Variants in TLN2 observed in about 807,000 individuals in gnomAD.
TLN2 encodes the protein talin 2.
Under a neutral mutation model 294.7 loss-of-function variants are expected in TLN2, and 118 were observed. That is an observed-to-expected ratio of 0.40 (90% CI 0.34 to 0.47). The LOEUF (loss-of-function observed/expected upper bound fraction) is 0.47, where lower values mean the gene tolerates loss of function less well. Among genes scored for constraint, TLN2 ranks in the 20% least tolerant of loss-of-function variants. TLN2 has a pLI of 0.84. For synonymous variants in TLN2, 1,431 were observed against 1,304.5 expected (o/e 1.10, Z -2.09); for missense variants, 3,083 against 3,282.2 (o/e 0.94, Z 1.48).
Position 62,451,432 on chromosome 15 carries a change from G to T in TLN2, c.-238+60747G>T, listed in dbSNP as rs566960076. Among the ~76,000 whole-genome samples, 430 of 152,302 alleles carry T rather than the reference G, an allele frequency of 2.8e-3. 2 individuals carry two copies. The highest frequency in any genetic ancestry group is 1.0e-2 in the African/African-American group (415 of 41,556). On this transcript the variant is annotated intron_variant, in intron 1 of 58. Coordinates refer to ENST00000636159, the MANE Select transcript of TLN2 (RefSeq NM_015059.3). Reference sequence around the variant, plus strand: ...AGCACTTTGGGAGGCCGAGGCGGGTGAATCACAAGGTCAGGAGATCTAGAC... The same window carrying T: ...AGCACTTTGGGAGGCCGAGGCGGGTTAATCACAAGGTCAGGAGATCTAGAC...
chr15:62,617,103 C>A (rs765672501), intron 2 of TLN2, among the ~76,000 whole-genome samples: 3 of 152,074 alleles, frequency 2.0e-5, no homozygotes, highest in African/African-American at 4.8e-5. Context: ...TCATGGAGCT[C>A]GGATTGTTTG....
intron 14 of TLN2, among the ~76,000 whole-genome samples, chr15:62,694,617 G>A (rs1472714438): frequency 1.3e-5 from 2 of 152,188 alleles, no homozygotes; most frequent in Non-Finnish European, 2.9e-5. Context: ...CCAAGGTGTG[G>A]CATTTTAACT....
At chr15:62,764,795 C>T (rs1006973747) in intron 40 of TLN2, among the ~76,000 whole-genome samples, 1 of 151,808 alleles carries the variant, frequency 6.6e-6, no homozygotes, top group Non-Finnish European at 1.5e-5. Context: ...GGTGAAATCC[C>T]ATCTCTACCA....
chr15:62,638,439 G>A (rs1176777242), intron 3 of TLN2: 29 of 431,656 alleles, frequency 6.7e-5, no homozygotes, highest in South Asian at 4.0e-4. Flanking sequence ...AATTCCAGGT[G>A]CCAGTGCCAA....
chr15:62,565,435 C>CA (rs144252705), intron 1 of TLN2, among the ~76,000 whole-genome samples: 12,276 of 152,098 alleles, frequency 0.081, 587 homozygotes, highest in Non-Finnish European at 0.11. Context: ...CATCATTGCC[C>CA]AATAGAGGGA....
intron 2 of TLN2, among the ~76,000 whole-genome samples, chr15:62,612,648 CTTG>C (rs1281519017): frequency 3.3e-5 from 5 of 151,990 alleles, no homozygotes; most frequent in Non-Finnish European, 5.9e-5. Flanking sequence ...GATTTTTTTT[CTTG>C]TTGTCACCAG....
chr15:62,825,841 A>ATAT (rs1555522066), intron 54 of TLN2, among the ~76,000 whole-genome samples: 13 of 89,644 alleles, frequency 1.5e-4, no homozygotes, highest in African/African-American at 6.6e-4. Flanking sequence ...TATATAATAT[A>ATAT]TATAAATATA....
At chr15:62,519,803 TATTTCTA>T (rs2040368314) in intron 1 of TLN2, among the ~76,000 whole-genome samples, 3 of 152,254 alleles carry the variant, frequency 2.0e-5, no homozygotes, top group African/African-American at 7.2e-5. Context: ...ATTGAAGTTG[TATTTCTA>T]GGAAAATATT....
intron 52 of TLN2, among the ~76,000 whole-genome samples, chr15:62,815,098 A>T (rs1163674779): frequency 6.6e-6 from 1 of 152,142 alleles, no homozygotes; most frequent in African/African-American, 2.4e-5. Context: ...AGAAAAGAAT[A>T]TCTACTAAAA....
At chr15:62,758,697 G>A (rs2062464838) in intron 37 of TLN2, 1 of 152,188 alleles carries the variant, frequency 6.6e-6, no homozygotes, top group Non-Finnish European at 1.5e-5. Flanking sequence ...TGTTTGGATT[G>A]GGAAAGTGGT....
At chr15:62,393,343 G>A (rs1332153629) in intron 1 of TLN2, among the ~76,000 whole-genome samples, 2 of 152,156 alleles carry the variant, frequency 1.3e-5, no homozygotes, top group East Asian at 3.9e-4. Flanking sequence ...GGGATATTCT[G>A]TACAGGCATA....
At chr15:62,744,397 AT>A (rs2061498878) in intron 32 of TLN2, among the ~76,000 whole-genome samples, 2 of 112,690 alleles carry the variant, frequency 1.8e-5, no homozygotes, top group East Asian at 5.2e-4. Flanking sequence ...TATTTTTGTT[AT>A]TTTTAATTTT....
At chr15:62,458,130 G>T (rs2036585047) in intron 1 of TLN2, among the ~76,000 whole-genome samples, 1 of 152,092 alleles carries the variant, frequency 6.6e-6, no homozygotes, top group African/African-American at 2.4e-5. Context: ...CTTTATTGCT[G>T]GTGGCTCTCA....
chr15:62,733,408 A>G (rs2140948221), intron 28 of TLN2, among the ~76,000 whole-genome samples: 1 of 152,282 alleles, frequency 6.6e-6, no homozygotes, highest in Middle Eastern at 3.4e-3. Flanking sequence ...CCTTGTCCAT[A>G]ATTGAGGTGT....
intron 2 of TLN2, among the ~76,000 whole-genome samples, chr15:62,593,834 A>G (rs1342525903): frequency 6.6e-6 from 1 of 152,242 alleles, no homozygotes; most frequent in Admixed American, 6.5e-5. Context: ...AAACACATGT[A>G]AGGCCAGCTG....
At chr15:62,654,581 C>G (rs956915746) in intron 7 of TLN2, among the ~76,000 whole-genome samples, 3 of 151,682 alleles carry the variant, frequency 2.0e-5, no homozygotes, top group African/African-American at 7.3e-5. Context: ...CGGTGAAACC[C>G]TATCTCTGCT....
At chr15:62,456,354 T>C (rs1005302172) in intron 1 of TLN2, among the ~76,000 whole-genome samples, 1 of 152,194 alleles carries the variant, frequency 6.6e-6, no homozygotes, top group African/African-American at 2.4e-5. Flanking sequence ...CAGTAGCAGC[T>C]GCAGCCTCAG....
chr15:62,837,568 T>TTAAC (rs1007566198), intron 57 of TLN2, among the ~76,000 whole-genome samples: 1 of 152,214 alleles, frequency 6.6e-6, no homozygotes, highest in Non-Finnish European at 1.5e-5. Flanking sequence ...CATTACCGAT[T>TTAAC]TAACTGGATG....
At chr15:62,676,808 T>A (rs919473298) in intron 11 of TLN2, among the ~76,000 whole-genome samples, 1 of 152,088 alleles carries the variant, frequency 6.6e-6, no homozygotes, top group African/African-American at 2.4e-5. Flanking sequence ...AGAGACAGGG[T>A]TTCACCGTGT....
Sources: allele counts gnomAD v4.1 joint callset (sites outside exome capture counted in the v4.1 genomes callset), GRCh38; gene constraint gnomAD v4.1.1; transcripts MANE v1.5; gene names NCBI Gene and HGNC (gene_info 2026-07-23, HGNC 2026-07-21).